The following ATXN7L1 variants were observed in gnomAD, a reference collection of about 807,000 sequenced individuals.
ATXN7L1 encodes ataxin-7-like protein 1.
ATXN7L1 carries 15 observed loss-of-function variants against 70.8 expected under a neutral mutation model. The ratio of observed to expected loss-of-function variants is 0.21; its 90% CI spans 0.14 to 0.33. The LOEUF is 0.33. Ranked by LOEUF, ATXN7L1 falls within the 10% of genes least tolerant of loss-of-function variation. The pLI is 1.00. For synonymous variants in ATXN7L1, 440 were observed against 445.1 expected (o/e 0.99, Z 0.14); for missense variants, 975 against 1,097.1 (o/e 0.89, Z 1.57).
chr7:105,671,104 CAAAAAAAAAAAAA>C (rs71155469), intron 3 of ATXN7L1, among the ~76,000 whole-genome samples: 1 of 89,706 alleles, frequency 1.1e-5, no homozygotes. Flanking sequence ...GACTACGTCT[CAAAAAAAAAAAAA>C]AAAAAAAAAA....
At chr7:105,623,987 T>G in intron 8 of ATXN7L1, 88 bp downstream of exon 8, 1 of 1,222,042 alleles carries the variant, frequency 8.2e-7, no homozygotes, top group East Asian at 3.1e-5. Context: ...AGCCTTGCCT[T>G]AGGAAGGATC....
intron 3 of ATXN7L1, among the ~76,000 whole-genome samples, chr7:105,714,851 C>T (rs373309215): frequency 6.6e-5 from 10 of 152,060 alleles, no homozygotes; most frequent in Non-Finnish European, 8.8e-5. Flanking sequence ...TTAGTAGAGA[C>T]GGGGGTTTCC....
chr7:105,809,900 A>G (rs538384571), intron 2 of ATXN7L1, among the ~76,000 whole-genome samples: 2 of 152,184 alleles, frequency 1.3e-5, no homozygotes, highest in South Asian at 4.2e-4. Flanking sequence ...CCTCCCAAGT[A>G]GCTGGGACGA....
intron 3 of ATXN7L1, among the ~76,000 whole-genome samples, chr7:105,709,270 G>T (rs1347181583): frequency 6.6e-6 from 1 of 152,122 alleles, no homozygotes; most frequent in Non-Finnish European, 1.5e-5. Context: ...GGAAGCGGAG[G>T]TTGCAGTGAG....
intron 3 of ATXN7L1, among the ~76,000 whole-genome samples, chr7:105,680,473 G>A (rs1301882049): frequency 6.6e-6 from 1 of 152,216 alleles, no homozygotes; most frequent in African/African-American, 2.4e-5. Flanking sequence ...CAGATTGAGA[G>A]GGAGTTGTGC....
chr7:105,643,124 G>A lies in ATXN7L1; in HGVS notation c.579-3C>T. On this transcript the variant is annotated splice_polypyrimidine_tract_variant and splice_region_variant and intron_variant, in intron 4 of 11. Transcript: ENST00000419735. ...AACTGACTACAGGAACTGGAACACT[G>A]AAAAATAAATGAACAAACACACACA... is the stretch of plus-strand genomic sequence containing the variant. 1 of 1,503,422 alleles carries A rather than the reference G, an allele frequency of 6.7e-7. No individual in the cohort carries two copies. Among genetic ancestry groups the A allele is most frequent in the Non-Finnish European group, 8.9e-7 (1 of 1,122,002 alleles). 93.1% of individuals were successfully genotyped at this position (1,503,422 alleles called of 1,614,324 possible).
At chr7:105,699,656 T>C (rs979729656) in intron 3 of ATXN7L1, among the ~76,000 whole-genome samples, 4 of 152,178 alleles carry the variant, frequency 2.6e-5, no homozygotes, top group African/African-American at 9.7e-5. Context: ...TTCCCAAAGA[T>C]AATACTTATC....
In ATXN7L1 at chr7:105,739,640, A is replaced by G. The variant is rs58741903; in HGVS notation, c.355+48964T>C. On this transcript the variant is annotated intron_variant, in intron 3 of 11. Transcript: ENST00000419735. ...TATGTGACCTTGGGCATGTCATTCA[A>G]TATCAAATGAAGAAAGTAGATTAGA... 8.0e-3 allele frequency among the ~76,000 whole-genome samples: 1,217 copies of G among 152,324 alleles called. 17 individuals carry two copies. The highest frequency in any genetic ancestry group is 0.027 in the African/African-American group (1,103 of 41,560).
chr7:105,681,787 A>G (rs1805589834), intron 3 of ATXN7L1, among the ~76,000 whole-genome samples: 1 of 152,200 alleles, frequency 6.6e-6, no homozygotes, highest in African/African-American at 2.4e-5. Context: ...TCACAAACAG[A>G]CAAATAATGT....
intron 9 of ATXN7L1, among the ~76,000 whole-genome samples, chr7:105,617,489 T>C (rs547205789): frequency 1.3e-5 from 2 of 152,346 alleles, no homozygotes; most frequent in Non-Finnish European, 1.5e-5. Context: ...TCTATCCTTT[T>C]CTTGCCTCAC....
At chr7:105,876,246 G>C in intron 1 of ATXN7L1, 132 bp downstream of exon 1, 2 of 1,179,800 alleles carry the variant, frequency 1.7e-6, no homozygotes, top group East Asian at 2.6e-5. Context: ...TATTTATTTA[G>C]AGAGAGAGGG....
intron 3 of ATXN7L1, among the ~76,000 whole-genome samples, chr7:105,715,940 C>T (rs550424735): frequency 1.3e-5 from 2 of 152,216 alleles, no homozygotes; most frequent in East Asian, 3.9e-4. Flanking sequence ...TCCTAATTGG[C>T]ACCAGCAGGC....
At chr7:105,678,121 C>G (rs1431164103) in intron 3 of ATXN7L1, 1 of 576,610 alleles carries the variant, frequency 1.7e-6, no homozygotes, top group African/African-American at 2.1e-5. Flanking sequence ...CTTTCTGGCC[C>G]CCTTTTCTCT....
At chr7:105,717,332 T>G (rs1331816820) in intron 3 of ATXN7L1, among the ~76,000 whole-genome samples, 2 of 152,172 alleles carry the variant, frequency 1.3e-5, no homozygotes, top group Non-Finnish European at 2.9e-5. Context: ...TTTGCCATGT[T>G]AGTCAGGCTG....
chr7:105,607,738 T>C lies in ATXN7L1; in HGVS notation c.*114A>G, dbSNP rs1399045609. On this transcript the variant is annotated 3_prime_UTR_variant, in exon 12 of 12. Transcript: ENST00000419735. ...GAAGAAAGGCCAGAGTCACAGGGAG[T>C]GCACAGAAAACAGACTCTCCCCCCA... 5 of 885,070 alleles carry C rather than the reference T, an allele frequency of 5.6e-6. No individual in the cohort carries two copies. The highest frequency in any genetic ancestry group is 8.9e-6 in the Non-Finnish European group (5 of 560,474). 54.8% of individuals were successfully genotyped at this position (885,070 alleles called of 1,614,324 possible). A position where few individuals can be genotyped will look rare whatever the true frequency, so the allele number is the denominator to read the frequency against.
At chr7:105,841,142 G>T (rs568241725) in intron 2 of ATXN7L1, among the ~76,000 whole-genome samples, 59 of 152,310 alleles carry the variant, frequency 3.9e-4, no homozygotes, top group African/African-American at 1.4e-3. Context: ...CAGTTTCCCG[G>T]TGTCTAATGG....
intron 3 of ATXN7L1, among the ~76,000 whole-genome samples, chr7:105,698,920 G>GAT (rs35245676): frequency 1.6e-4 from 24 of 151,496 alleles, no homozygotes; most frequent in Non-Finnish European, 2.4e-4. Context: ...GAATTAAAAA[G>GAT]ATATATATAT....
At chr7:105,733,564 A>T (rs1584870480) in intron 3 of ATXN7L1, among the ~76,000 whole-genome samples, 1 of 51,100 alleles carries the variant, frequency 2.0e-5, no homozygotes, top group African/African-American at 9.2e-5. Flanking sequence ...CCACCCATCC[A>T]TCCTTCCATC....
At chr7:105,715,540 C>T (rs1056223471) in intron 3 of ATXN7L1, among the ~76,000 whole-genome samples, 9 of 152,260 alleles carry the variant, frequency 5.9e-5, no homozygotes, top group Non-Finnish European at 1.3e-4. Flanking sequence ...AGCTACCCTC[C>T]TGGATAACTG....
Sources: gnomAD v4.1 joint callset for allele counts (sites outside exome capture counted in the v4.1 genomes callset) on GRCh38, gnomAD v4.1.1 for gene constraint, MANE v1.5 for transcripts, NCBI Gene and HGNC (gene_info 2026-07-23, HGNC 2026-07-21) for gene names.